RARB: variants seen among roughly 807,000 people sequenced by gnomAD.
RARB encodes the protein HBV-activated protein.
RARB carries 17 observed loss-of-function variants against 51.9 expected under a neutral mutation model. That is an observed-to-expected ratio of 0.33 (90% CI 0.22 to 0.49). The LOEUF (loss-of-function observed/expected upper bound fraction) is 0.49, where lower values mean the gene tolerates loss of function less well. Ranked by LOEUF, RARB falls within the 20% of genes least tolerant of loss-of-function variation. RARB has a pLI of 0.99. For missense variants in RARB, 369 were observed against 550.8 expected (o/e 0.67, Z 3.30); for synonymous variants, 215 against 195.4 (o/e 1.10, Z -0.84).
Position 25,129,682 on chromosome 3 carries a change from A to G in RARB, c.-327-2479A>G, listed in dbSNP as rs550687541. On this transcript the variant is annotated intron_variant, in intron 3 of 11. Transcript: ENST00000383772. ...TTGTTGAATGAGTGAATTAATGACTACTATAAATTTCTAAAATACTATGAA... is the reference window on the plus strand; with the variant it reads ...TTGTTGAATGAGTGAATTAATGACTGCTATAAATTTCTAAAATACTATGAA... 2.6e-5 allele frequency among the ~76,000 whole-genome samples: 4 copies of G among 152,142 alleles called. No individual in the cohort carries two copies. In the South Asian group the frequency reaches 6.2e-4, roughly 24 times the overall value.
intron 3 of RARB, among the ~76,000 whole-genome samples, chr3:25,517,484 C>A (rs1015462584): frequency 6.6e-6 from 1 of 152,102 alleles, no homozygotes; most frequent in Non-Finnish European, 1.5e-5. Flanking sequence ...ATAAGAAAGA[C>A]GAGCAATAAC....
chr3:25,252,044 G>C (rs910796338), intron 5 of RARB, among the ~76,000 whole-genome samples: 2 of 152,080 alleles, frequency 1.3e-5, no homozygotes, highest in South Asian at 2.1e-4. Flanking sequence ...TATGATGTGA[G>C]ATAGGGGTCT....
chr3:24,862,575 T>G (rs1702771571), intron 2 of RARB, among the ~76,000 whole-genome samples: 1 of 152,208 alleles, frequency 6.6e-6, no homozygotes, highest in South Asian at 2.1e-4. Flanking sequence ...ATGTGAATCT[T>G]CCTCTGTCTA....
At chr3:25,229,484 G>T (rs1388024143) in intron 5 of RARB, among the ~76,000 whole-genome samples, 1 of 152,038 alleles carries the variant, frequency 6.6e-6, no homozygotes, top group African/African-American at 2.4e-5. Context: ...TTTACTAATT[G>T]CTATCTATTA....
chr3:25,178,498 T>C (rs934542807), intron 5 of RARB, among the ~76,000 whole-genome samples: 2 of 151,836 alleles, frequency 1.3e-5, no homozygotes, highest in Non-Finnish European at 2.9e-5. Flanking sequence ...ACATAACCAG[T>C]TAATGTTGGA....
At chr3:25,049,683 A>G (rs1288225679) in intron 2 of RARB, among the ~76,000 whole-genome samples, 2 of 152,146 alleles carry the variant, frequency 1.3e-5, no homozygotes, top group Non-Finnish European at 2.9e-5. Flanking sequence ...ATGAAAAAAT[A>G]AAATTAAAAA....
At chr3:25,332,937 G>C (rs944989471) in intron 5 of RARB, among the ~76,000 whole-genome samples, 1 of 152,096 alleles carries the variant, frequency 6.6e-6, no homozygotes, top group Admixed American at 6.5e-5. Flanking sequence ...TTGCTTCAAA[G>C]AGAATAAAAT....
chr3:25,350,896 C>A (rs892166562), intron 5 of RARB, among the ~76,000 whole-genome samples: 7 of 152,184 alleles, frequency 4.6e-5, no homozygotes, highest in Non-Finnish European at 1.0e-4. Flanking sequence ...CTGCCAGTTC[C>A]CATGGTGTCA....
chr3:25,460,477 T>C (rs1045119737), intron 1 of RARB, among the ~76,000 whole-genome samples: 14 of 150,084 alleles, frequency 9.3e-5, no homozygotes, highest in African/African-American at 2.9e-4. Flanking sequence ...AGACGGAGTC[T>C]TGCTCTGTTG....
intron 3 of RARB, among the ~76,000 whole-genome samples, chr3:25,080,632 T>C (rs1008233844): frequency 2.0e-5 from 3 of 152,324 alleles, no homozygotes; most frequent in African/African-American, 4.8e-5. Context: ...CTATAGATCA[T>C]TGAGGTTTTT....
intron 1 of RARB, among the ~76,000 whole-genome samples, chr3:25,457,684 G>A (rs1694988394): frequency 6.6e-6 from 1 of 152,118 alleles, no homozygotes; most frequent in South Asian, 2.1e-4. Flanking sequence ...CTTTCTTTGG[G>A]AAGGTGAAAT....
chr3:25,030,251 C>A (rs762928290), intron 2 of RARB, among the ~76,000 whole-genome samples: 4 of 152,236 alleles, frequency 2.6e-5, no homozygotes, highest in African/African-American at 7.2e-5. Context: ...TCTGCCCTTA[C>A]ACATGTTAAA....
chr3:25,502,563 G>C (rs1424584405), intron 3 of RARB, among the ~76,000 whole-genome samples: 1 of 152,112 alleles, frequency 6.6e-6, no homozygotes, highest in Non-Finnish European at 1.5e-5. Context: ...ATACCCCTTA[G>C]GTTTCAATGT....
intron 3 of RARB, among the ~76,000 whole-genome samples, chr3:25,081,586 CATATATATATATATATATATATAT>C (rs1161956011): frequency 1.0e-4 from 2 of 19,638 alleles, no homozygotes; most frequent in Non-Finnish European, 1.7e-4. Context: ...GCTTCATATA[CATATATATATATATATATATATAT>C]ATATATATAT....
chr3:25,070,625 A>G (rs1379636809), intron 3 of RARB, among the ~76,000 whole-genome samples: 2 of 152,220 alleles, frequency 1.3e-5, no homozygotes, highest in South Asian at 4.1e-4. Context: ...AATAGTAGCA[A>G]ACCATTTATA....
At chr3:25,484,058 G>T (rs1270452042) in intron 2 of RARB, among the ~76,000 whole-genome samples, 3 of 152,200 alleles carry the variant, frequency 2.0e-5, no homozygotes, top group Non-Finnish European at 1.5e-5. Flanking sequence ...TGTTCCGTTA[G>T]TGAAGGATGA....
Position 25,176,946 on chromosome 3 carries a change from A to G in RARB, c.178+2371A>G, listed in dbSNP as rs376604934. On this transcript the variant is annotated intron_variant, in intron 5 of 11. Transcript: ENST00000383772. Reference sequence around the variant, plus strand: ...TGAAAAGCGAGGGTTTGAAGTTCAAAAAAAGGGTAAATAGTGGCTGACTTT... The same window carrying G: ...TGAAAAGCGAGGGTTTGAAGTTCAAGAAAAGGGTAAATAGTGGCTGACTTT... 3.3e-5 allele frequency among the ~76,000 whole-genome samples: 5 copies of G among 152,190 alleles called. No individual in the cohort carries two copies. The East Asian group carries it at 9.6e-4, about 29-fold the overall frequency.
At chr3:25,474,719 G>A (rs889363142) in intron 2 of RARB, among the ~76,000 whole-genome samples, 4 of 152,166 alleles carry the variant, frequency 2.6e-5, no homozygotes, top group African/African-American at 4.8e-5. Flanking sequence ...ATACCAAAAC[G>A]TAGAAAGAGG....
chr3:25,214,865 C>G (rs9755285), intron 5 of RARB, among the ~76,000 whole-genome samples: 1,641 of 152,278 alleles, frequency 0.011, 33 homozygotes, highest in African/African-American at 0.038. Flanking sequence ...AGAAGAAGAC[C>G]TATGACCTTC....
Sources: allele counts gnomAD v4.1 joint callset (sites outside exome capture counted in the v4.1 genomes callset), GRCh38; gene constraint gnomAD v4.1.1; transcripts MANE v1.5; gene names NCBI Gene and HGNC (gene_info 2026-07-23, HGNC 2026-07-21).